NRK: variants seen among roughly 807,000 people sequenced by gnomAD.
The protein encoded by NRK is Nik related kinase.
In NRK, 67 loss-of-function variants were observed where a neutral mutation model predicts 125.2. That is an observed-to-expected ratio of 0.54 (90% confidence interval 0.44 to 0.66). The LOEUF (loss-of-function observed/expected upper bound fraction) is 0.66, where lower values mean the gene tolerates loss of function less well. NRK is among the 30% of genes least tolerant of loss of function. NRK has a pLI of 0.00. For synonymous variants in NRK, 458 were observed against 429.0 expected (o/e 1.07, Z -0.84); for missense variants, 1,224 against 1,192.9 (o/e 1.03, Z -0.38).
intron 2 of NRK, among the ~76,000 whole-genome samples, chrX:105,849,412 C>G (rs1259359668): frequency 9.0e-6 from 1 of 111,164 alleles, no homozygotes; most frequent in East Asian, 2.9e-4. Context: ...CATACGGCCC[C>G]TGGCCCCTCC....
chrX:105,941,438 T>C (rs745817342), intron 23 of NRK, among the ~76,000 whole-genome samples: 1 of 110,854 alleles, frequency 9.0e-6, no homozygotes, highest in Non-Finnish European at 1.9e-5. Flanking sequence ...ATAGGAAGTG[T>C]TTTCTTAAGA....
chrX:105,936,797 G>A (rs1199876215), intron 21 of NRK, among the ~76,000 whole-genome samples: 1 of 111,663 alleles, frequency 9.0e-6, no homozygotes, highest in Non-Finnish European at 1.9e-5. Context: ...AAAAGAGAGT[G>A]TAGAAATTGA....
intron 1 of NRK, among the ~76,000 whole-genome samples, chrX:105,826,267 ATATAATATATATGAAATATATAT>A (rs2039101727): frequency 1.5e-5 from 1 of 68,635 alleles, no homozygotes; most frequent in Admixed American, 1.7e-4. Flanking sequence ...TATATTTCAT[ATATAATATATATGAAATATATAT>A]TATCATATAT....
At chrX:105,936,450 T>C (rs181342015) in intron 21 of NRK, among the ~76,000 whole-genome samples, 55 of 111,945 alleles carry the variant, frequency 4.9e-4, no homozygotes, top group African/African-American at 1.6e-3. Flanking sequence ...TCTTCCTCCT[T>C]CTCTGATTCC....
chrX:105,942,743 C>T (rs968818674), intron 23 of NRK, among the ~76,000 whole-genome samples: 2 of 110,918 alleles, frequency 1.8e-5, no homozygotes, highest in African/African-American at 3.3e-5. Flanking sequence ...CTCAGCCTCC[C>T]GAGTAGCTGA....
chrX:105,878,858 A>G (rs1353230097), intron 2 of NRK, among the ~76,000 whole-genome samples: 1 of 111,301 alleles, frequency 9.0e-6, no homozygotes, highest in Admixed American at 9.6e-5. Flanking sequence ...TGCCTTGTGT[A>G]CTAGTTTCTT....
chrX:105,906,527 G>A lies in NRK; in HGVS notation c.959G>A (p.Arg320Gln). 8.7e-7 allele frequency: 1 copy of A among 1,152,388 alleles called. No individual in the cohort carries two copies. The highest frequency in any genetic ancestry group is 1.2e-6 in the Non-Finnish European group (1 of 855,621). The allele number at this position is 1,152,388 out of a possible 1,213,427, so 95.0% of individuals were successfully genotyped here. A position where few individuals can be genotyped will look rare whatever the true frequency, so the allele number is the denominator to read the frequency against. Residue 320 changes from arginine to glutamine, a missense_variant, in exon 11 of 29, where the codon CGA (arginine) becomes CAA (glutamine). Physicochemically the swap from Arg to Gln is conservative, Grantham distance 43. Transcript: ENST00000243300. ...TTTGTTCGGGATATAAAAAATGAAC[G>A]ACATGTTGTTGAGTCATTAACAAGG... ...HPFVRDIKNE[R>Q]HVVESLTRHL...
chrX:105,833,475 T>A (rs1183113276), intron 2 of NRK, among the ~76,000 whole-genome samples: 1 of 111,060 alleles, frequency 9.0e-6, no homozygotes, highest in Admixed American at 9.7e-5. Flanking sequence ...GTGTATATAC[T>A]TGTTCTGATT....
At chrX:105,952,653 A>G (rs1297484722) in intron 27 of NRK, among the ~76,000 whole-genome samples, 2 of 111,933 alleles carry the variant, frequency 1.8e-5, no homozygotes, top group African/African-American at 6.5e-5. Flanking sequence ...CACCCTTATT[A>G]GGAGCCCTTA....
At chrX:105,928,923 G>A (rs2040559105) in intron 19 of NRK, among the ~76,000 whole-genome samples, 1 of 111,678 alleles carries the variant, frequency 9.0e-6, no homozygotes, top group South Asian at 3.7e-4. Context: ...CTTAGAGAAT[G>A]TTTCATGTGC....
At chrX:105,871,273 T>C (rs1207403258) in intron 2 of NRK, among the ~76,000 whole-genome samples, 2 of 111,426 alleles carry the variant, frequency 1.8e-5, no homozygotes, top group African/African-American at 3.3e-5. Context: ...TGAAAAATTT[T>C]GGGTGGCATC....
chrX:105,905,560 T>C (rs900265916), intron 10 of NRK, among the ~76,000 whole-genome samples: 1 of 112,864 alleles, frequency 8.9e-6, no homozygotes, highest in African/African-American at 3.2e-5. Context: ...TATTTTCTGA[T>C]GATATTACTG....
intron 25 of NRK, 22 bp from the exon 26 acceptor site, chrX:105,946,293 A>G (rs1292243944): frequency 8.5e-7 from 1 of 1,171,684 alleles, no homozygotes; most frequent in African/African-American, 1.8e-5. Context: ...CCTTTTGGCC[A>G]TATTTGGTTT....
chrX:105,954,005 G>T (rs2040938961), intron 28 of NRK, among the ~76,000 whole-genome samples: 1 of 110,840 alleles, frequency 9.0e-6, no homozygotes, highest in Admixed American at 9.7e-5. Flanking sequence ...GACCTAGAAT[G>T]CAGTCCTGGC....
chrX:105,943,334 G>A (rs1270663789), intron 23 of NRK, among the ~76,000 whole-genome samples: 1 of 111,860 alleles, frequency 8.9e-6, no homozygotes, highest in Non-Finnish European at 1.9e-5. Flanking sequence ...GACCATAGAT[G>A]TATGGGTTTA....
intron 2 of NRK, among the ~76,000 whole-genome samples, chrX:105,850,871 T>C (rs760867414): frequency 8.9e-6 from 1 of 112,333 alleles, no homozygotes; most frequent in Non-Finnish European, 1.9e-5. Context: ...CACATTTTCC[T>C]GTCTTTTTCT....
At chrX:105,842,607 C>T (rs1041752543) in intron 2 of NRK, among the ~76,000 whole-genome samples, 4 of 111,802 alleles carry the variant, frequency 3.6e-5, no homozygotes, top group Non-Finnish European at 5.6e-5. Flanking sequence ...TTTCTGAAAA[C>T]ATGAGTGAAT....
rs1458245222 is a variant in NRK, at chrX:105,956,205, T to C, written c.*605T>C. On this transcript the variant is annotated 3_prime_UTR_variant, in exon 29 of 29. Transcript: ENST00000243300. ...TAAGCCTACAGTTAAAGACCAGTTT[T>C]GTTCTTTTCACCCATTTTTAAGCTG... The C allele has an allele frequency of 9.0e-6, 1 of 111,700 alleles. No individual in the cohort carries two copies. The highest frequency in any genetic ancestry group is 1.9e-5 in the Non-Finnish European group (1 of 53,074). The allele number at this position is 111,700 out of a possible 1,213,427, so 9.2% of individuals were successfully genotyped here.
intron 22 of NRK, 112 bp from the exon 23 acceptor site, chrX:105,939,762 T>A (rs2040713137): frequency 2.2e-6 from 1 of 453,739 alleles, no homozygotes; most frequent in Non-Finnish European, 3.6e-6. Flanking sequence ...TTTAAGGTGC[T>A]TTTTACGTTA....
Sources: allele counts gnomAD v4.1 joint callset (sites outside exome capture counted in the v4.1 genomes callset), GRCh38; gene constraint gnomAD v4.1.1; transcripts MANE v1.5; gene names NCBI Gene and HGNC (gene_info 2026-07-23, HGNC 2026-07-21).